The following SCFD2 variants were observed in gnomAD, a reference collection of about 807,000 sequenced individuals.
SCFD2 encodes sec1 family domain containing 2.
In SCFD2, 54 loss-of-function variants were observed where a neutral mutation model predicts 58.9. The ratio of observed to expected loss-of-function variants is 0.92; its 90% confidence interval spans 0.74 to 1.15. SCFD2 has a LOEUF of 1.15. Ranked by LOEUF, SCFD2 falls within the 50% of genes most tolerant of loss-of-function variation. The probability of loss-of-function intolerance (pLI) is 0.00; values close to 1 mark genes in which losing one functional copy is unlikely to be tolerated. For missense variants in SCFD2, 805 were observed against 836.6 expected (o/e 0.96, Z 0.47); for synonymous variants, 321 against 335.9 (o/e 0.96, Z 0.49).
intron 6 of SCFD2, among the ~76,000 whole-genome samples, chr4:52,915,084 G>A (rs1402732904): frequency 6.6e-6 from 1 of 152,190 alleles, no homozygotes; most frequent in Non-Finnish European, 1.5e-5. Flanking sequence ...TAGCTCTTCA[G>A]GAAAAGCAGT....
At chr4:52,983,678 G>C (rs1270201161) in intron 5 of SCFD2, among the ~76,000 whole-genome samples, 1 of 152,076 alleles carries the variant, frequency 6.6e-6, no homozygotes, top group Non-Finnish European at 1.5e-5. Flanking sequence ...TCAGTAATTT[G>C]CCTATTCTAA....
In SCFD2 at chr4:53,352,763, G is replaced by A. The variant is rs372708237; in HGVS notation, c.842C>T (p.Ala281Val). ...TAAGTTGTCTCCATGATGTCCAACT[G>A]CTCCTGTTTAAGCAGACAAGATGAT... ...FVDRTLDLTG[A>V]VGHHGDNLVE... Residue 281 changes from alanine to valine, a missense_variant, in exon 2 of 9, where the codon GCA (alanine) becomes GTA (valine). Coordinates refer to ENST00000401642, the MANE Select transcript of SCFD2 (RefSeq NM_152540.4). The A allele has an allele frequency of 6.2e-7, 1 of 1,613,172 alleles. No individual in the cohort carries two copies. The highest frequency in any genetic ancestry group is 2.2e-5 in the East Asian group (1 of 44,868).
chr4:52,967,983 T>C (rs190148979), intron 5 of SCFD2, among the ~76,000 whole-genome samples: 1 of 152,336 alleles, frequency 6.6e-6, no homozygotes, highest in Admixed American at 6.5e-5. Context: ...ACAAGGAAGA[T>C]GGCTCTAGCA....
intron 5 of SCFD2, among the ~76,000 whole-genome samples, chr4:53,071,920 T>C (rs1381097964): frequency 6.6e-6 from 1 of 152,156 alleles, no homozygotes; most frequent in East Asian, 1.9e-4. Flanking sequence ...AGTAATATAA[T>C]TTGCACATAA....
intron 3 of SCFD2, among the ~76,000 whole-genome samples, chr4:53,295,676 G>A (rs1732002864): frequency 1.3e-5 from 2 of 152,172 alleles, no homozygotes; most frequent in South Asian, 2.1e-4. Flanking sequence ...ATACTACGTT[G>A]AAAAGGAGTG....
intron 3 of SCFD2, among the ~76,000 whole-genome samples, chr4:53,305,265 T>G (rs1732477520): frequency 6.6e-6 from 1 of 152,174 alleles, no homozygotes; most frequent in Non-Finnish European, 1.5e-5. Context: ...CTTCTAAGAG[T>G]GTTATGGTTT....
Position 52,907,489 on chromosome 4 carries a change from G to C in SCFD2, c.1810C>G (p.Leu604Val). ...AACATGCTAAATCCAGTTTTAAGGAGATCAGTGAGGCCTGAAGACATGTGT... is the reference window on the plus strand; with the variant it reads ...AACATGCTAAATCCAGTTTTAAGGACATCAGTGAGGCCTGAAGACATGTGT... Reference protein sequence around the residue: ...IEHMSSGLTDLLKTGFSMFMK... With the variant: ...IEHMSSGLTDVLKTGFSMFMK... Residue 604 changes from leucine (L) to valine (V), a missense_variant, in exon 7 of 9, where the codon CTC becomes GTC. Transcript: ENST00000401642. The C allele has an allele frequency of 6.2e-7, 1 of 1,614,014 alleles. No homozygotes were observed.
At chr4:53,183,387 C>A (rs951854087) in intron 4 of SCFD2, among the ~76,000 whole-genome samples, 3 of 152,046 alleles carry the variant, frequency 2.0e-5, no homozygotes, top group African/African-American at 7.2e-5. Context: ...TCATCCTCAG[C>A]AAACTATCGC....
At chr4:53,350,578 A>G (rs1297834704) in intron 2 of SCFD2, among the ~76,000 whole-genome samples, 2 of 152,246 alleles carry the variant, frequency 1.3e-5, no homozygotes, top group African/African-American at 2.4e-5. Context: ...TTGAAAACAT[A>G]GGACTCCCAA....
chr4:53,037,285 G>T (rs1722788298), intron 5 of SCFD2, among the ~76,000 whole-genome samples: 2 of 152,102 alleles, frequency 1.3e-5, no homozygotes. Flanking sequence ...CCATTTTAAG[G>T]ACTATATGAA....
chr4:52,910,720 T>A (rs886373207), intron 6 of SCFD2, among the ~76,000 whole-genome samples: 2 of 152,056 alleles, frequency 1.3e-5, no homozygotes, highest in African/African-American at 4.8e-5. Context: ...GCTCCCATAA[T>A]CCCCACATGC....
chr4:53,302,078 C>T (rs1732326908), intron 3 of SCFD2, among the ~76,000 whole-genome samples: 1 of 152,134 alleles, frequency 6.6e-6, no homozygotes, highest in Non-Finnish European at 1.5e-5. Context: ...TCCTATTCAA[C>T]ATAGTGTTGG....
At chr4:53,117,679 T>C (rs1725363519) in intron 5 of SCFD2, among the ~76,000 whole-genome samples, 1 of 152,124 alleles carries the variant, frequency 6.6e-6, no homozygotes, top group Admixed American at 6.5e-5. Context: ...TTGTGCACAC[T>C]AGAGAAGGAA....
intron 2 of SCFD2, among the ~76,000 whole-genome samples, chr4:53,346,523 C>T (rs904493200): frequency 6.6e-6 from 1 of 152,104 alleles, no homozygotes; most frequent in African/African-American, 2.4e-5. Context: ...ATCCACCTGT[C>T]TCGGCCTCCC....
intron 4 of SCFD2, among the ~76,000 whole-genome samples, chr4:53,246,275 C>T (rs951294457): frequency 1.3e-5 from 2 of 152,086 alleles, no homozygotes; most frequent in African/African-American, 2.4e-5. Flanking sequence ...CTGCCCAAAG[C>T]AATGTACAGA....
At chr4:53,097,566 G>T (rs1724692736) in intron 5 of SCFD2, among the ~76,000 whole-genome samples, 1 of 152,166 alleles carries the variant, frequency 6.6e-6, no homozygotes, top group South Asian at 2.1e-4. Flanking sequence ...CATTGATTTT[G>T]TATCCTGAGA....
At chr4:53,307,380 G>A (rs1434017251) in intron 3 of SCFD2, among the ~76,000 whole-genome samples, 5 of 152,206 alleles carry the variant, frequency 3.3e-5, no homozygotes, top group African/African-American at 9.6e-5. Context: ...TCATATCTGA[G>A]CTTGTAGCTC....
intron 4 of SCFD2, among the ~76,000 whole-genome samples, chr4:53,202,274 T>A (rs1185662284): frequency 2.0e-5 from 3 of 152,258 alleles, no homozygotes; most frequent in East Asian, 1.9e-4. Flanking sequence ...ACCATTTATT[T>A]AATAGGGAAT....
chr4:53,237,257 C>A (rs1225069511), intron 4 of SCFD2, among the ~76,000 whole-genome samples: 2 of 149,480 alleles, frequency 1.3e-5, no homozygotes, highest in Admixed American at 1.3e-4. Context: ...ACAGACACGG[C>A]AACCATCCGA....
Sources: gnomAD v4.1 joint callset for allele counts (sites outside exome capture counted in the v4.1 genomes callset) on GRCh38, gnomAD v4.1.1 for gene constraint, MANE v1.5 for transcripts, NCBI Gene and HGNC (gene_info 2026-07-23, HGNC 2026-07-21) for gene names.